The following MYO10 variants were observed in gnomAD, a reference collection of about 807,000 sequenced individuals.
The protein encoded by MYO10 is unconventional myosin-X.
In MYO10, 133 loss-of-function variants were observed where a neutral mutation model predicts 257.3. The ratio of observed to expected loss-of-function variants is 0.52; its 90% confidence interval spans 0.45 to 0.60. The LOEUF (loss-of-function observed/expected upper bound fraction) is 0.60. Ranked by LOEUF, MYO10 falls within the 20% of genes least tolerant of loss-of-function variation. The pLI is 0.00. For synonymous variants in MYO10, 1,104 were observed against 1,028.6 expected (o/e 1.07, Z -1.40); for missense variants, 2,399 against 2,635.7 (o/e 0.91, Z 1.97).
chr5:16,893,371 C>T (rs1267259508), intron 1 of MYO10, among the ~76,000 whole-genome samples: 2 of 152,090 alleles, frequency 1.3e-5, no homozygotes, highest in Non-Finnish European at 2.9e-5. Context: ...CCATGGCTCA[C>T]GCCTGTAATC....
At chr5:16,715,549 C>T (rs1738824005) in intron 19 of MYO10, among the ~76,000 whole-genome samples, 1 of 101,632 alleles carries the variant, frequency 9.8e-6, no homozygotes, top group Non-Finnish European at 2.2e-5. Flanking sequence ...ATCTGCCTGC[C>T]TCCGCCTCCC....
At chr5:16,842,579 C>T (rs911553858) in intron 2 of MYO10, among the ~76,000 whole-genome samples, 3 of 152,164 alleles carry the variant, frequency 2.0e-5, no homozygotes, top group Non-Finnish European at 4.4e-5. Context: ...AAGAATACTT[C>T]CCCCTTCCCT....
intron 29 of MYO10, among the ~76,000 whole-genome samples, chr5:16,685,322 T>A (rs959924621): frequency 5.9e-5 from 9 of 152,062 alleles, no homozygotes; most frequent in Non-Finnish European, 8.8e-5. Flanking sequence ...GCAATCCTCC[T>A]GCCTCAGCCT....
chr5:16,876,530 A>G (rs2126761295), intron 2 of MYO10, among the ~76,000 whole-genome samples: 1 of 152,260 alleles, frequency 6.6e-6, no homozygotes, highest in Middle Eastern at 3.4e-3. Context: ...GTGGGATCCT[A>G]GTATTTTCAA....
intron 22 of MYO10, among the ~76,000 whole-genome samples, chr5:16,703,589 T>G (rs190816954): frequency 6.6e-6 from 1 of 152,152 alleles, no homozygotes; most frequent in Non-Finnish European, 1.5e-5. Context: ...TGAGGAGAAG[T>G]TGCCTCAGGC....
intron 1 of MYO10, among the ~76,000 whole-genome samples, chr5:16,889,279 G>A (rs1447765750): frequency 1.3e-5 from 2 of 151,898 alleles, no homozygotes; most frequent in African/African-American, 2.4e-5. Context: ...GGTGGTGGGT[G>A]CCTGTAATCC....
At position 16,913,036 on chromosome 5, in the gene MYO10, G is replaced by C. The variant is rs144902493; in HGVS notation, c.21+22752C>G. 2.5e-3 allele frequency among the ~76,000 whole-genome samples: 366 copies of C among 147,584 alleles called. 1 individual carries two copies. The highest frequency in any genetic ancestry group is 8.5e-3 in the African/African-American group (343 of 40,294). On this transcript the variant is annotated intron_variant, in intron 1 of 40. Transcript: ENST00000513610. ...CTATCTTCCCTTTGGTTTTAGTAAA[G>C]TTCACCAAAAAAGGAGCTTACATTT...
At chr5:16,733,896 G>C (rs1247067304) in intron 19 of MYO10, among the ~76,000 whole-genome samples, 5 of 152,104 alleles carry the variant, frequency 3.3e-5, no homozygotes, top group East Asian at 1.9e-4. Flanking sequence ...AGGGAGTCCA[G>C]GCTTCTGAGC....
chr5:16,694,548 C>T lies in MYO10; in HGVS notation c.3623G>A (p.Arg1208His), dbSNP rs939141866. ...VLKDETFLWF[R>H]SKQEALKQGW... ...TTGCTTGAGGGCCTCCTGCTTGGAG[C>T]GGAACCACAAGAAGGTTTCATCCTT... is the stretch of plus-strand genomic sequence containing the variant. Residue 1208 changes from arginine to histidine, a missense_variant, in exon 27 of 41, where the codon CGC becomes CAC. This residue lies in a region of MYO10 where 1,820 missense variants were observed against 1,939.4 expected (regional missense o/e 0.94). Transcript: ENST00000513610. The T allele has an allele frequency of 2.5e-6, 4 of 1,613,964 alleles. No individual in the cohort carries two copies. Among genetic ancestry groups the T allele is most frequent in the Non-Finnish European group, 3.4e-6 (4 of 1,179,880 alleles).
At chr5:16,882,239 T>C (rs1313712548) in intron 1 of MYO10, among the ~76,000 whole-genome samples, 1 of 152,194 alleles carries the variant, frequency 6.6e-6, no homozygotes, top group East Asian at 1.9e-4. Flanking sequence ...CATTTTCTAC[T>C]GCCAACAATG....
At chr5:16,773,908 C>A (rs1741135852) in intron 9 of MYO10, among the ~76,000 whole-genome samples, 2 of 152,160 alleles carry the variant, frequency 1.3e-5, no homozygotes, top group Non-Finnish European at 2.9e-5. Context: ...TGATAAGCGG[C>A]AACTGCATTA....
At chr5:16,895,600 A>G (rs1745193230) in intron 1 of MYO10, among the ~76,000 whole-genome samples, 1 of 151,972 alleles carries the variant, frequency 6.6e-6, no homozygotes, top group Non-Finnish European at 1.5e-5. Flanking sequence ...GCTCAACCCA[A>G]CAAGAGCTCC....
intron 2 of MYO10, among the ~76,000 whole-genome samples, chr5:16,854,290 T>C (rs939651156): frequency 6.6e-6 from 1 of 152,242 alleles, no homozygotes; most frequent in Non-Finnish European, 1.5e-5. Flanking sequence ...TATCTTTTTC[T>C]TTTCTTCTTA....
chr5:16,923,226 A>C lies in MYO10; in HGVS notation c.21+12562T>G, dbSNP rs1030150925. On this transcript the variant is annotated intron_variant, in intron 1 of 40. Transcript: ENST00000513610. ...CAGAAGTAAACCTGTATTAAATGAC[A>C]ATTTAAATGACAATGGTATATACAT... 3.9e-5 allele frequency among the ~76,000 whole-genome samples: 6 copies of C among 152,052 alleles called. No individual in the cohort carries two copies. In the East Asian group the frequency reaches 5.8e-4, roughly 15 times the overall value.
At chr5:16,724,565 T>C (rs1436450919) in intron 19 of MYO10, among the ~76,000 whole-genome samples, 1 of 149,018 alleles carries the variant, frequency 6.7e-6, no homozygotes, top group Non-Finnish European at 1.5e-5. Context: ...CGATACCCAG[T>C]TATTTTTTTT....
At chr5:16,744,368 G>A (rs1322255055) in intron 19 of MYO10, among the ~76,000 whole-genome samples, 5 of 152,248 alleles carry the variant, frequency 3.3e-5, no homozygotes, top group South Asian at 4.2e-4. Context: ...GGGAAAGGAC[G>A]CCCGGCCACA....
chr5:16,783,533 G>A (rs1004289268), intron 4 of MYO10, 64 bp from the exon 5 acceptor site: 4 of 1,499,570 alleles, frequency 2.7e-6, no homozygotes, highest in Non-Finnish European at 3.6e-6. Flanking sequence ...ATCAGCTTTG[G>A]TCAATGGCAC....
Position 16,719,989 on chromosome 5 carries a change from C to CGTGTGTGTGT in MYO10, c.1930-8754_1930-8745dup, listed in dbSNP as rs10526050. ...CTAAAGAAATAAATGTGTGTGCGTG[C>CGTGTGTGTGT]GTGTGTGTGTGTGTGTGTGTGTGTG... On this transcript the variant is annotated intron_variant, in intron 19 of 40. Coordinates refer to ENST00000513610, the MANE Select transcript of MYO10 (RefSeq NM_012334.3). Among the ~76,000 whole-genome samples the CGTGTGTGTGT allele has an allele frequency of 5.3e-3, 760 of 143,504 alleles. 4 individuals are homozygous for CGTGTGTGTGT. The highest frequency in any genetic ancestry group is 0.01 in the African/African-American group (388 of 38,548). 94.1% of individuals were successfully genotyped at this position (143,504 alleles called of 152,430 possible).
At chr5:16,791,921 T>G (rs1419156361) in intron 4 of MYO10, among the ~76,000 whole-genome samples, 1 of 152,214 alleles carries the variant, frequency 6.6e-6, no homozygotes, top group Non-Finnish European at 1.5e-5. Flanking sequence ...GTTTCTATAT[T>G]AAGCAGCCGC....
Sources: allele counts gnomAD v4.1 joint callset (sites outside exome capture counted in the v4.1 genomes callset), GRCh38; gene constraint gnomAD v4.1.1; regional missense constraint gnomAD v4.1.1; transcripts MANE v1.5; gene names NCBI Gene and HGNC (gene_info 2026-07-23, HGNC 2026-07-21).